MECOM: variants seen among roughly 807,000 people sequenced by gnomAD.
MECOM encodes histone-lysine N-methyltransferase MECOM.
In MECOM, 13 loss-of-function variants were observed where a neutral mutation model predicts 116.3. The ratio of observed to expected loss-of-function variants is 0.11; its 90% CI spans 0.07 to 0.18. The LOEUF (loss-of-function observed/expected upper bound fraction) is 0.18, where lower values mean the gene tolerates loss of function less well. Ranked by LOEUF, MECOM falls within the 10% of genes least tolerant of loss-of-function variation. The probability of loss-of-function intolerance (pLI) is 1.00; values close to 1 mark genes in which losing one functional copy is unlikely to be tolerated. For synonymous variants in MECOM, 528 were observed against 535.2 expected, an observed-to-expected ratio of 0.99 and a Z score of 0.19; for missense variants, 1,299 against 1,509.0, an observed-to-expected ratio of 0.86 and a Z score of 2.31.
intron 1 of MECOM, among the ~76,000 whole-genome samples, chr3:169,613,996 T>A (rs1320522630): frequency 3.9e-5 from 6 of 152,228 alleles, no homozygotes; most frequent in Non-Finnish European, 8.8e-5. Flanking sequence ...TGTTATTTTC[T>A]CATTAATAAA....
intron 2 of MECOM, among the ~76,000 whole-genome samples, chr3:169,333,847 GCCTT>G (rs1723134194): frequency 8.3e-6 from 1 of 120,514 alleles, no homozygotes; most frequent in South Asian, 2.5e-4. Flanking sequence ...CTACCTCCCC[GCCTT>G]CCTTCCTTCT....
intron 1 of MECOM, among the ~76,000 whole-genome samples, chr3:169,479,273 G>GTGTT (rs902994889): frequency 3.5e-5 from 5 of 143,396 alleles, no homozygotes; most frequent in African/African-American, 1.3e-4. Flanking sequence ...GGATGTGAGT[G>GTGTT]TGTGTGTGTG....
chr3:169,092,932 G>A (rs1483945954), intron 14 of MECOM, 26 bp downstream of exon 14: 3 of 1,613,266 alleles, frequency 1.9e-6, no homozygotes, highest in East Asian at 4.5e-5. Context: ...TCGTCACAGA[G>A]TTTAAAAAGT....
intron 2 of MECOM, among the ~76,000 whole-genome samples, chr3:169,301,903 C>T (rs1375549794): frequency 6.6e-6 from 1 of 151,850 alleles, no homozygotes; most frequent in Non-Finnish European, 1.5e-5. Flanking sequence ...ATGGGGGCAA[C>T]ACAAAGGAGG....
chr3:169,621,878 G>GC (rs1310807309), intron 1 of MECOM, among the ~76,000 whole-genome samples: 1 of 152,088 alleles, frequency 6.6e-6, no homozygotes, highest in Non-Finnish European at 1.5e-5. Context: ...GTCACTCTCA[G>GC]CCCTCACCAT....
At chr3:169,663,253 G>C in intron 1 of MECOM, 83 bp downstream of exon 1, 5 of 1,509,736 alleles carry the variant, frequency 3.3e-6, no homozygotes, top group South Asian at 1.2e-5. Context: ...GGCAGCCCGC[G>C]CTCCCTCCCG....
intron 1 of MECOM, among the ~76,000 whole-genome samples, chr3:169,489,233 T>C (rs969673462): frequency 6.6e-6 from 1 of 152,166 alleles, no homozygotes; most frequent in Non-Finnish European, 1.5e-5. Context: ...ATGTAGCTGA[T>C]CTCCAAAATA....
rs934817663 is a variant in MECOM, at chr3:169,316,973, C to T, written c.375+64214G>A. Among the ~76,000 whole-genome samples, 3 of 152,286 alleles carry T rather than the reference C, an allele frequency of 2.0e-5. No homozygotes were observed. The East Asian group carries it at 5.8e-4, about 29-fold the overall frequency. ...AGAATTCTCATTATATTGGCAATCA[C>T]AATACTTGGTAAATTAGATCAAAAA... On this transcript the variant is annotated intron_variant, in intron 2 of 16. Coordinates refer to ENST00000651503, the MANE Select transcript of MECOM (RefSeq NM_004991.4).
intron 1 of MECOM, among the ~76,000 whole-genome samples, chr3:169,422,139 T>A (rs1463009126): frequency 6.6e-6 from 1 of 152,162 alleles, no homozygotes; most frequent in Non-Finnish European, 1.5e-5. Context: ...TTTGTACCAA[T>A]AAATACTCTC....
chr3:169,603,179 C>T (rs542883312), intron 1 of MECOM, among the ~76,000 whole-genome samples: 1 of 152,252 alleles, frequency 6.6e-6, no homozygotes, highest in African/African-American at 2.4e-5. Flanking sequence ...ATGTCTGTCA[C>T]TTAAGTGACA....
chr3:169,250,495 C>T (rs961045), intron 2 of MECOM, among the ~76,000 whole-genome samples: 6,304 of 152,260 alleles, frequency 0.041, 166 homozygotes, highest in African/African-American at 0.067. Flanking sequence ...TCTTGTTTCT[C>T]GAGCAATCAT....
chr3:169,123,053 TAAC>T (rs942089483), intron 5 of MECOM, among the ~76,000 whole-genome samples: 7 of 152,142 alleles, frequency 4.6e-5, no homozygotes, highest in African/African-American at 1.2e-4. Flanking sequence ...TACACAATTC[TAAC>T]AACAACACGT....
Position 169,116,101 on chromosome 3 carries a change from T to C in MECOM, c.1771A>G (p.Ser591Gly). Residue 591 changes from serine (S) to glycine (G), a missense_variant, in exon 8 of 17, where the codon AGT becomes GGT. Ser to Gly is a moderately conservative substitution (Grantham distance 56, BLOSUM62 0). Transcript: ENST00000651503. The part of the protein sequence containing the change: ...DLDDVSTPSG[S>G]DLETTSGSDL... Reference sequence around the variant, plus strand: ...GAGCCCGAGGTTGTTTCCAGGTCACTGCCACTTGGTGTACTGACATCATCA... The same window carrying C: ...GAGCCCGAGGTTGTTTCCAGGTCACCGCCACTTGGTGTACTGACATCATCA... The C allele has an allele frequency of 1.9e-6, 3 of 1,614,206 alleles. No individual in the cohort carries two copies. The highest frequency in any genetic ancestry group is 1.3e-5 in the African/African-American group (1 of 75,048).
At chr3:169,373,313 T>C (rs1470514311) in intron 2 of MECOM, among the ~76,000 whole-genome samples, 1 of 152,002 alleles carries the variant, frequency 6.6e-6, no homozygotes, top group Non-Finnish European at 1.5e-5. Flanking sequence ...AGACCATATA[T>C]TTTGGTCTAT....
intron 1 of MECOM, among the ~76,000 whole-genome samples, chr3:169,442,800 T>C (rs766100112): frequency 4.6e-5 from 7 of 152,174 alleles, no homozygotes; most frequent in Non-Finnish European, 8.8e-5. Context: ...CCACCATCGA[T>C]GAGGTTTTCA....
At chr3:169,260,633 C>A (rs1289433942) in intron 2 of MECOM, among the ~76,000 whole-genome samples, 1 of 152,198 alleles carries the variant, frequency 6.6e-6, no homozygotes, top group Non-Finnish European at 1.5e-5. Context: ...CATATTCCAA[C>A]ATGATCAAAG....
At chr3:169,362,071 A>T (rs62293352) in intron 2 of MECOM, among the ~76,000 whole-genome samples, 6,090 of 151,958 alleles carry the variant, frequency 0.04, 157 homozygotes, top group Non-Finnish European at 0.058. Flanking sequence ...GAAATGATAA[A>T]ACAAGTATCT....
intron 1 of MECOM, among the ~76,000 whole-genome samples, chr3:169,423,036 G>A (rs368700031): frequency 2.2e-4 from 34 of 152,080 alleles, no homozygotes; most frequent in East Asian, 9.7e-4. Context: ...TTCCCAAACC[G>A]TAATGTACAT....
At chr3:169,562,139 C>CAAAAAAAAAAAAA (rs10714325) in intron 1 of MECOM, among the ~76,000 whole-genome samples, 7 of 25,280 alleles carry the variant, frequency 2.8e-4, no homozygotes, top group East Asian at 7.4e-4. Context: ...GAGCAATACT[C>CAAAAAAAAAAAAA]AAAAAAAAAA....
Sources: allele counts gnomAD v4.1 joint callset (sites outside exome capture counted in the v4.1 genomes callset), GRCh38; gene constraint gnomAD v4.1.1; transcripts MANE v1.5; gene names NCBI Gene and HGNC (gene_info 2026-07-23, HGNC 2026-07-21).